VPS13A: variants seen among roughly 807,000 people sequenced by gnomAD.
The protein encoded by VPS13A is intermembrane lipid transfer protein VPS13A.
In VPS13A, 264 loss-of-function variants were observed where a neutral mutation model predicts 390.9. That is an observed-to-expected ratio of 0.68 (90% CI 0.61 to 0.75). The LOEUF (loss-of-function observed/expected upper bound fraction) is 0.75. Ranked by LOEUF, VPS13A falls within the 30% of genes least tolerant of loss-of-function variation. VPS13A has a pLI of 0.00. For missense variants in VPS13A, 3,409 were observed against 3,733.9 expected (o/e 0.91, Z 2.27); for synonymous variants, 1,231 against 1,227.1 (o/e 1.00, Z -0.07).
rs1829752820 is a variant in VPS13A at position 77,321,596 on chromosome 9, G to A, written c.5680G>A (p.Asp1894Asn). Residue 1894 changes from aspartate (D) to asparagine (N), a missense_variant, in exon 44 of 72, where the codon GAT becomes AAT. By Grantham distance (23) the Asp-to-Asn change is conservative (BLOSUM62 1). This residue lies in a region of VPS13A where 2,717 missense variants were observed against 2,917.4 expected (regional missense o/e 0.93). Coordinates refer to ENST00000360280, the MANE Select transcript of VPS13A (RefSeq NM_033305.3). ...ACTTACTATTTCTGTTTCGCCAAGT[G>A]ATTCTTTTAGTGTACTCAACATTCC... is the stretch of plus-strand genomic sequence containing the variant. ...LGLTISVSPS[D>N]SFSVLNIPMA... 6.2e-7 allele frequency: 1 copy of A among 1,613,292 alleles called. No homozygotes were observed. The highest frequency in any genetic ancestry group is 8.5e-7 in the Non-Finnish European group (1 of 1,179,630).
chr9:77,179,828 A>G (rs1009363552), intron 1 of VPS13A, among the ~76,000 whole-genome samples: 11 of 151,930 alleles, frequency 7.2e-5, no homozygotes, highest in African/African-American at 2.4e-4. Context: ...AGCACCCCAA[A>G]ATTAAATCGT....
chr9:77,402,651 T>TAAAC (rs1393815054), intron 68 of VPS13A, among the ~76,000 whole-genome samples: 2 of 152,172 alleles, frequency 1.3e-5, no homozygotes, highest in Non-Finnish European at 2.9e-5. Context: ...CAATTGTTAA[T>TAAAC]AAACAGTGTC....
intron 17 of VPS13A, among the ~76,000 whole-genome samples, chr9:77,231,056 A>T (rs1823804127): frequency 1.3e-5 from 2 of 152,186 alleles, no homozygotes; most frequent in Non-Finnish European, 2.9e-5. Flanking sequence ...ATAGAAATAC[A>T]ATTGAGTTTT....
rs764809221 is a variant in VPS13A at position 77,381,955 on chromosome 9, G to A, written c.9078-21G>A. 3.7e-5 allele frequency: 55 copies of A among 1,495,398 alleles called. No individual in the cohort carries two copies. In the Admixed American group the frequency reaches 4.4e-4, roughly 12 times the overall value. 92.6% of individuals were successfully genotyped at this position (1,495,398 alleles called of 1,614,324 possible). ...GTTTTTGAATAATTTTTAAAATAAA[G>A]TTATATTTTTTTTCCTCTAGAGCTA... On this transcript the variant is annotated intron_variant, in intron 67 of 71. Coordinates refer to ENST00000360280, the MANE Select transcript of VPS13A (RefSeq NM_033305.3).
In VPS13A at chr9:77,417,387, A is replaced by C. The variant is rs950961605; in HGVS notation, c.*1381A>C. 1.3e-5 allele frequency: 2 copies of C among 152,114 alleles called. No individual in the cohort carries two copies. Among genetic ancestry groups the C allele is most frequent in the Non-Finnish European group, 2.9e-5 (2 of 68,018 alleles). 9.4% of individuals were successfully genotyped at this position (152,114 alleles called of 1,614,324 possible). A position where few individuals can be genotyped will look rare whatever the true frequency, so the allele number is the denominator to read the frequency against. On this transcript the variant is annotated 3_prime_UTR_variant, in exon 72 of 72. Coordinates refer to ENST00000360280, the MANE Select transcript of VPS13A (RefSeq NM_033305.3). ...TTGTAATTGTATTTCTTGCTGACCA[A>C]ATCTACTAAATGCTATTGATTTCTC... is the stretch of plus-strand genomic sequence containing the variant.
intron 36 of VPS13A, 24 bp from the exon 37 acceptor site, chr9:77,314,471 T>C (rs1421947787): frequency 6.2e-7 from 1 of 1,605,962 alleles, no homozygotes; most frequent in Non-Finnish European, 8.5e-7. Context: ...CTTTGTAATT[T>C]TGTGTTGGTT....
chr9:77,178,131 C>G (rs1823761176), intron 1 of VPS13A: 1 of 326,784 alleles, frequency 3.1e-6, no homozygotes, highest in Non-Finnish European at 5.9e-6. Flanking sequence ...CCCCTGGCCC[C>G]GCACGGTCCG....
intron 19 of VPS13A, among the ~76,000 whole-genome samples, chr9:77,243,217 G>GGGATCAGAAATGTTTC (rs1170685999): frequency 5.3e-5 from 8 of 152,026 alleles, no homozygotes; most frequent in Admixed American, 1.3e-4. Flanking sequence ...AGAAATGTTT[G>GGGATCAGAAATGTTTC]GGATCAGAAA....
intron 1 of VPS13A, chr9:77,178,131 C>T (rs1823761176): frequency 6.1e-6 from 2 of 326,784 alleles, no homozygotes; most frequent in South Asian, 5.2e-5. Flanking sequence ...CCCCTGGCCC[C>T]GCACGGTCCG....
In VPS13A at chr9:77,206,061, CA is replaced by C; in HGVS notation, c.372del (p.Val125Ter). On this transcript the variant is annotated frameshift_variant, in exon 5 of 72. Transcript: ENST00000360280. LOFTEE classifies it high-confidence loss of function. ...QELKRIEEAK[Q>X]KVVDQEQHLP... is the part of the protein sequence containing the mutation. Reference sequence around the variant, plus strand: ...ACTGAAAAGAATAGAAGAAGCAAAACAAAAAGTAGTTGATCAAGGTAAAGAA... The same window carrying C: ...ACTGAAAAGAATAGAAGAAGCAAAACAAAAGTAGTTGATCAAGGTAAAGAA... 1 of 1,576,288 alleles carries C rather than the reference CA, an allele frequency of 6.3e-7. No homozygotes were observed.
At chr9:77,271,867 GTAACATAGTTGT>G (rs1298358606) in intron 23 of VPS13A, among the ~76,000 whole-genome samples, 1 of 152,126 alleles carries the variant, frequency 6.6e-6, no homozygotes, top group East Asian at 1.9e-4. Flanking sequence ...TGAAATTAAG[GTAACATAGTTGT>G]TACTTTTGGG....
rs759005687 is a variant in VPS13A, at chr9:77,202,769, A to G, written c.187+1362A>G. Among the ~76,000 whole-genome samples, 53 of 152,280 alleles carry G rather than the reference A, an allele frequency of 3.5e-4. 1 individual carries two copies. The Middle Eastern group carries it at 0.01, about 29-fold the overall frequency. The stretch of plus-strand genomic sequence containing the variant: ...TGCCTAATCTTGTTTAAAAATGATA[A>G]GGTAATTTTTAGTGATAATATAAGA... On this transcript the variant is annotated intron_variant, in intron 3 of 71. Coordinates refer to ENST00000360280, the MANE Select transcript of VPS13A (RefSeq NM_033305.3).
In VPS13A at chr9:77,221,236, A is replaced by G. The variant is rs1444512681; in HGVS notation, c.1041A>G (p.Leu347=). 6.2e-7 allele frequency: 1 copy of G among 1,613,528 alleles called. No homozygotes were observed. Among genetic ancestry groups the G allele is most frequent in the Non-Finnish European group, 8.5e-7 (1 of 1,179,598 alleles). Reference sequence around the variant, plus strand: ...TTGAAGTAAATGTTTGCCCCAGGTTATGGATGTGGTCATGGAAGCATATTA... The same window carrying G: ...TTGAAGTAAATGTTTGCCCCAGGTTGTGGATGTGGTCATGGAAGCATATTA... ...GVLEVNVCPR[L]WMWSWKHIRK... Residue 347 remains leucine (L), a synonymous_variant, in exon 13 of 72, where the codon TTA becomes TTG. Coordinates refer to ENST00000360280, the MANE Select transcript of VPS13A (RefSeq NM_033305.3).
chr9:77,290,057 C>T (rs574084448), intron 31 of VPS13A, among the ~76,000 whole-genome samples: 1 of 152,274 alleles, frequency 6.6e-6, no homozygotes, highest in Admixed American at 6.5e-5. Flanking sequence ...GCTGGGATTA[C>T]AGGCGTGAGC....
In VPS13A at chr9:77,198,597, G is replaced by A. The variant is rs569647413; in HGVS notation, c.101-1348G>A. Among the ~76,000 whole-genome samples the A allele has an allele frequency of 3.0e-4, 45 of 152,150 alleles. 1 individual carries two copies. The South Asian group carries it at 9.3e-3, about 32-fold the overall frequency. On this transcript the variant is annotated intron_variant, in intron 1 of 71. Coordinates refer to ENST00000360280, the MANE Select transcript of VPS13A (RefSeq NM_033305.3). ...ATCTTTTTGCTTTTGACCTATGAGT[G>A]TCCTTAGAGCCAAAGTGAGTTTCTT...
intron 52 of VPS13A, among the ~76,000 whole-genome samples, chr9:77,346,940 G>A (rs996683470): frequency 1.3e-5 from 2 of 152,086 alleles, no homozygotes; most frequent in Non-Finnish European, 2.9e-5. Flanking sequence ...CTAGAATAAG[G>A]TGTCCTTTCC....
At chr9:77,325,714 A>G (rs568052113) in intron 45 of VPS13A, among the ~76,000 whole-genome samples, 4 of 151,918 alleles carry the variant, frequency 2.6e-5, no homozygotes, top group Non-Finnish European at 5.9e-5. Flanking sequence ...GTATTAGTCT[A>G]CCTTCAAGTA....
At chr9:77,203,566 A>C (rs1349408561) in intron 3 of VPS13A, among the ~76,000 whole-genome samples, 8 of 152,136 alleles carry the variant, frequency 5.3e-5, no homozygotes, top group African/African-American at 1.9e-4. Flanking sequence ...GGGGTTACAG[A>C]TGTGAGCCAC....
chr9:77,392,637 CA>C (rs1170775374), intron 68 of VPS13A, among the ~76,000 whole-genome samples: 1 of 151,914 alleles, frequency 6.6e-6, no homozygotes, highest in Non-Finnish European at 1.5e-5. Flanking sequence ...AAGTCACACG[CA>C]TATATTTGTT....
Sources: allele counts gnomAD v4.1 joint callset (sites outside exome capture counted in the v4.1 genomes callset), GRCh38; gene constraint gnomAD v4.1.1; regional missense constraint gnomAD v4.1.1; transcripts MANE v1.5; gene names NCBI Gene and HGNC (gene_info 2026-07-23, HGNC 2026-07-21).